The following ENTPD1 variants were observed in gnomAD, a reference collection of about 807,000 sequenced individuals.
ENTPD1 encodes the protein ATP diphosphohydrolase.
Under a neutral mutation model 57.0 loss-of-function variants are expected in ENTPD1, and 33 were observed. That is an observed-to-expected ratio of 0.58 (90% confidence interval 0.44 to 0.77). The LOEUF is 0.77. Ranked by LOEUF, ENTPD1 falls within the 30% of genes least tolerant of loss-of-function variation. The pLI, the probability that ENTPD1 is intolerant of heterozygous loss-of-function variation, is 0.00. For missense variants in ENTPD1, 501 were observed against 603.4 expected, an observed-to-expected ratio of 0.83 and a Z score of 1.78; for synonymous variants, 202 against 218.8, an observed-to-expected ratio of 0.92 and a Z score of 0.68.
At chr10:95,837,952 A>T (rs936769766) in intron 2 of ENTPD1, among the ~76,000 whole-genome samples, 1 of 139,184 alleles carries the variant, frequency 7.2e-6, no homozygotes, top group African/African-American at 2.9e-5. Context: ...ATATGTAGGG[A>T]GATTCACACA....
intron 1 of ENTPD1, among the ~76,000 whole-genome samples, chr10:95,772,310 G>C (rs1339164841): frequency 6.6e-6 from 1 of 152,166 alleles, no homozygotes; most frequent in Non-Finnish European, 1.5e-5. Flanking sequence ...TGTAGCATGT[G>C]GTGCTGTTTG....
intron 1 of ENTPD1, among the ~76,000 whole-genome samples, chr10:95,741,625 T>C (rs563485041): frequency 1.6e-4 from 24 of 152,164 alleles, no homozygotes; most frequent in Admixed American, 3.9e-4. Context: ...CACAAGCAAG[T>C]GGAGTATGCC....
At chr10:95,752,732 A>G (rs2098251116), upstream of ENTPD1, among the ~76,000 whole-genome samples, 1 of 152,164 alleles carries the variant, frequency 6.6e-6, no homozygotes, top group African/African-American at 2.4e-5. Context: ...GGGTCTTGTT[A>G]TGTTGCCTAG....
At chr10:95,772,245 GACA>G (rs2098118241) in intron 1 of ENTPD1, among the ~76,000 whole-genome samples, 1 of 152,174 alleles carries the variant, frequency 6.6e-6, no homozygotes, top group Non-Finnish European at 1.5e-5. Flanking sequence ...ATTAAAAGAA[GACA>G]ACAATGATGT....
At chr10:95,699,441 C>A in the ENTPD1 span, among the ~76,000 whole-genome samples, 1 of 151,992 alleles carries the variant, frequency 6.6e-6, no homozygotes, top group Admixed American at 6.6e-5. Flanking sequence ...GAAACCCTGT[C>A]TCTACAAAAA....
intron 1 of ENTPD1, among the ~76,000 whole-genome samples, chr10:95,724,074 A>G (rs2097980842): frequency 6.8e-6 from 1 of 147,138 alleles, no homozygotes. Context: ...AGGCAGGAGA[A>G]TGGTGTGAAC....
chr10:95,790,504 T>C (rs1185585803), intron 1 of ENTPD1, among the ~76,000 whole-genome samples: 1 of 152,196 alleles, frequency 6.6e-6, no homozygotes, highest in Non-Finnish European at 1.5e-5. Flanking sequence ...TAAAATGTTT[T>C]TTAGTTGTAG....
chr10:95,839,613 C>G, intron 2 of ENTPD1, 78 bp from the exon 3 acceptor site: 1 of 1,455,590 alleles, frequency 6.9e-7, no homozygotes, highest in South Asian at 1.1e-5. Context: ...TTTGAAAATT[C>G]CAGTCCTTTC....
intron 1 of ENTPD1, among the ~76,000 whole-genome samples, chr10:95,804,890 G>T (rs774948284): frequency 3.9e-5 from 6 of 152,078 alleles, no homozygotes; most frequent in Admixed American, 3.3e-4. Flanking sequence ...CAGCATGAAG[G>T]TCTGTTGAAT....
chr10:95,740,056 C>T (rs2097998777), intron 1 of ENTPD1, among the ~76,000 whole-genome samples: 1 of 152,106 alleles, frequency 6.6e-6, no homozygotes, highest in South Asian at 2.1e-4. Context: ...TTCAGTAAAC[C>T]ATGCTGTAAA....
rs141559304 is a variant in ENTPD1 at position 95,837,426 on chromosome 10, C to T, written c.145-2265C>T. On this transcript the variant is annotated intron_variant, in intron 2 of 9. Transcript: ENST00000371205. Reference sequence around the variant, plus strand: ...GCCCCAGACCTTAGTCAGTGTTCCTCTCTGCCCACAATGGCCACCACCTAA... The same window carrying T: ...GCCCCAGACCTTAGTCAGTGTTCCTTTCTGCCCACAATGGCCACCACCTAA... Among the ~76,000 whole-genome samples the T allele has an allele frequency of 1.7e-3, 263 of 152,340 alleles. 1 individual carries two copies. Among genetic ancestry groups the T allele is most frequent in the African/African-American group, 6.0e-3 (248 of 41,572 alleles).
At chr10:95,694,898 T>TA in the ENTPD1 span, among the ~76,000 whole-genome samples, 1 of 143,268 alleles carries the variant, frequency 7.0e-6, no homozygotes, top group Non-Finnish European at 1.5e-5. Flanking sequence ...GGAGCTGATT[T>TA]TTTTTTTTTT....
At chr10:95,713,838 A>G (rs1166257084) in intron 1 of ENTPD1, among the ~76,000 whole-genome samples, 1 of 152,194 alleles carries the variant, frequency 6.6e-6, no homozygotes, top group Non-Finnish European at 1.5e-5. Context: ...AAATCTATCA[A>G]CTATTTTTAT....
At chr10:95,735,575 A>T (rs868197730) in intron 1 of ENTPD1, among the ~76,000 whole-genome samples, 4 of 152,070 alleles carry the variant, frequency 2.6e-5, no homozygotes, top group Admixed American at 6.6e-5. Context: ...ATTTAATACA[A>T]TTATTTATTT....
At chr10:95,734,650 TG>T (rs2097992672) in intron 1 of ENTPD1, among the ~76,000 whole-genome samples, 1 of 152,236 alleles carries the variant, frequency 6.6e-6, no homozygotes, top group Non-Finnish European at 1.5e-5. Context: ...AACAAGTAAC[TG>T]TACATGTAGT....
intron 1 of ENTPD1, among the ~76,000 whole-genome samples, chr10:95,802,088 G>A (rs1023905533): frequency 1.2e-4 from 18 of 152,116 alleles, no homozygotes; most frequent in Non-Finnish European, 2.5e-4. Context: ...GGTGATCGGG[G>A]TACAGCTTGG....
chr10:95,837,888 T>C (rs2098413892), intron 2 of ENTPD1, among the ~76,000 whole-genome samples: 1 of 151,968 alleles, frequency 6.6e-6, no homozygotes, highest in Non-Finnish European at 1.5e-5. Context: ...AACAAGGTCA[T>C]TTCTACTGTT....
intron 1 of ENTPD1, among the ~76,000 whole-genome samples, chr10:95,795,071 G>A (rs942786210): frequency 2.0e-5 from 3 of 152,150 alleles, no homozygotes; most frequent in South Asian, 2.1e-4. Context: ...TACTCTGGCC[G>A]TAGTTGGAAA....
intron 1 of ENTPD1, among the ~76,000 whole-genome samples, chr10:95,732,526 C>G (rs527869556): frequency 6.6e-6 from 1 of 152,076 alleles, no homozygotes; most frequent in African/African-American, 2.4e-5. Context: ...GAGGGATTTG[C>G]TCTCTCAAAT....
Sources: gnomAD v4.1 joint callset for allele counts (sites outside exome capture counted in the v4.1 genomes callset) on GRCh38, gnomAD v4.1.1 for gene constraint, MANE v1.5 for transcripts, NCBI Gene and HGNC (gene_info 2026-07-23, HGNC 2026-07-21) for gene names.